PTPRD: variants seen among roughly 807,000 people sequenced by gnomAD.
PTPRD encodes receptor-type tyrosine-protein phosphatase delta.
PTPRD carries 34 observed loss-of-function variants against 214.5 expected under a neutral mutation model. The observed-to-expected ratio is 0.16, with a 90% CI of 0.12 to 0.21. PTPRD has a LOEUF of 0.21. PTPRD is among the 10% of genes least tolerant of loss of function. The pLI is 1.00. For missense variants in PTPRD, 2,545 were observed against 2,398.7 expected (o/e 1.06, Z -1.27); for synonymous variants, 1,128 against 845.7 (o/e 1.33, Z -5.79).
At chr9:8,665,538 C>A (rs925468465) in intron 12 of PTPRD, among the ~76,000 whole-genome samples, 2 of 152,170 alleles carry the variant, frequency 1.3e-5, no homozygotes, top group South Asian at 2.1e-4. Flanking sequence ...AAGTCACTTA[C>A]CCTAATTAAA....
intron 14 of PTPRD, among the ~76,000 whole-genome samples, chr9:8,554,105 T>C (rs949226717): frequency 2.6e-5 from 4 of 152,086 alleles, no homozygotes; most frequent in Admixed American, 6.6e-5. Flanking sequence ...GTAGAATCAC[T>C]TGAACCCAGG....
intron 36 of PTPRD, among the ~76,000 whole-genome samples, chr9:8,396,112 A>T (rs888359124): frequency 6.6e-6 from 1 of 151,138 alleles, no homozygotes; most frequent in African/African-American, 2.4e-5. Context: ...TATGTGTAGG[A>T]AACACTCAGA....
intron 11 of PTPRD, among the ~76,000 whole-genome samples, chr9:8,959,912 ATTCATCGAGTAC>A: frequency 6.6e-6 from 1 of 152,190 alleles, no homozygotes; most frequent in South Asian, 2.1e-4. Context: ...TTCCAACAGT[ATTCATCGAGTAC>A]CTCACCTATC....
At chr9:9,669,034 A>G (rs956100447) in intron 7 of PTPRD, among the ~76,000 whole-genome samples, 1 of 151,792 alleles carries the variant, frequency 6.6e-6, no homozygotes, top group Non-Finnish European at 1.5e-5. Context: ...ACAAAGGGTA[A>G]TTTTTTTTGG....
At chr9:9,009,583 T>A (rs1310622925) in intron 11 of PTPRD, among the ~76,000 whole-genome samples, 2 of 151,592 alleles carry the variant, frequency 1.3e-5, no homozygotes, top group African/African-American at 2.4e-5. Context: ...GAAAAAAAAA[T>A]TAGAACTGTA....
intron 9 of PTPRD, among the ~76,000 whole-genome samples, chr9:9,299,063 T>A (rs1954233346): frequency 6.6e-6 from 1 of 151,762 alleles, no homozygotes. Flanking sequence ...ATAATGTAGA[T>A]CCTGACTATT....
At position 9,292,060 on chromosome 9, in the gene PTPRD, A is replaced by G. The variant is rs141340427; in HGVS notation, c.-203+105389T>C. Among the ~76,000 whole-genome samples the G allele has an allele frequency of 3.4e-3, 515 of 151,450 alleles. 2 individuals are homozygous for G. Among genetic ancestry groups the G allele is most frequent in the African/African-American group, 0.012 (489 of 41,464 alleles). On this transcript the variant is annotated intron_variant, in intron 9 of 45. Transcript: ENST00000381196. ...AATACTGGTATTTTATCTCCTCAGA[A>G]GATTCATGGAGCTTTGCAGCTTTGT...
At chr9:10,049,398 T>TAAAA in intron 3 of PTPRD, among the ~76,000 whole-genome samples, 1 of 68,222 alleles carries the variant, frequency 1.5e-5, no homozygotes, top group South Asian at 5.3e-4. Context: ...CTTCTCTGGT[T>TAAAA]AAAAAAAAAA....
chr9:9,264,418 T>C (rs1467009644), intron 9 of PTPRD, among the ~76,000 whole-genome samples: 2 of 151,646 alleles, frequency 1.3e-5, no homozygotes, highest in African/African-American at 4.8e-5. Flanking sequence ...GTCAAAGGCA[T>C]ACTTAATGAA....
chr9:8,836,301 A>G (rs1470178062), intron 11 of PTPRD, among the ~76,000 whole-genome samples: 1 of 152,170 alleles, frequency 6.6e-6, no homozygotes, highest in Non-Finnish European at 1.5e-5. Flanking sequence ...GCAAACTACA[A>G]GATATGCTCT....
At chr9:9,313,558 T>A (rs1293833368) in intron 9 of PTPRD, among the ~76,000 whole-genome samples, 1 of 152,160 alleles carries the variant, frequency 6.6e-6, no homozygotes, top group Non-Finnish European at 1.5e-5. Flanking sequence ...TATACCAGTG[T>A]TAGAGTGGAA....
chr9:8,355,946 T>C (rs2076887781), intron 39 of PTPRD, among the ~76,000 whole-genome samples: 1 of 152,180 alleles, frequency 6.6e-6, no homozygotes, highest in Non-Finnish European at 1.5e-5. Flanking sequence ...GTGCACAGAA[T>C]ACACTCATAA....
chr9:10,144,103 A>C (rs10809033), intron 3 of PTPRD, among the ~76,000 whole-genome samples: 12 of 151,926 alleles, frequency 7.9e-5, no homozygotes, highest in African/African-American at 2.9e-4. Context: ...TAAAGAAAAA[A>C]ATAAAGTAAT....
At chr9:8,892,764 A>G (rs996477785) in intron 11 of PTPRD, among the ~76,000 whole-genome samples, 4 of 151,198 alleles carry the variant, frequency 2.6e-5, no homozygotes, top group African/African-American at 9.7e-5. Flanking sequence ...GTTCTACGGA[A>G]GCTCAGAAGA....
intron 2 of PTPRD, among the ~76,000 whole-genome samples, chr9:10,363,566 T>G (rs560753310): frequency 6.6e-6 from 1 of 152,346 alleles, no homozygotes; most frequent in South Asian, 2.1e-4. Flanking sequence ...TGTAAATGTT[T>G]TCTCTATGAC....
chr9:9,356,904 T>C (rs374087759), intron 9 of PTPRD, among the ~76,000 whole-genome samples: 1 of 151,348 alleles, frequency 6.6e-6, no homozygotes, highest in Admixed American at 6.6e-5. Context: ...TTGCTACCAG[T>C]GAGGCAGCAG....
At chr9:8,719,921 T>C (rs1458388485) in intron 12 of PTPRD, among the ~76,000 whole-genome samples, 1 of 152,176 alleles carries the variant, frequency 6.6e-6, no homozygotes, top group Admixed American at 6.5e-5. Flanking sequence ...TGTGTTACAG[T>C]TCCAGAGGAA....
chr9:9,134,946 G>A (rs547266472), intron 10 of PTPRD, among the ~76,000 whole-genome samples: 10 of 152,230 alleles, frequency 6.6e-5, no homozygotes, highest in African/African-American at 2.2e-4. Flanking sequence ...GCAGACAGAG[G>A]TAAGGAACGT....
Position 8,513,321 on chromosome 9 carries a change from C to G in PTPRD, c.1543+4527G>C, listed in dbSNP as rs1019168727. On this transcript the variant is annotated intron_variant, in intron 21 of 45. Transcript: ENST00000381196. The stretch of plus-strand genomic sequence containing the variant: ...CATTTTCTGTATTACCAGAAATACA[C>G]AAATTTACATCAATCCTTCACTTAT... 3.3e-5 allele frequency among the ~76,000 whole-genome samples: 5 copies of G among 152,004 alleles called. No individual in the cohort carries two copies. In the South Asian group the frequency reaches 1.0e-3, roughly 31 times the overall value.
Sources: allele counts gnomAD v4.1 joint callset (sites outside exome capture counted in the v4.1 genomes callset), GRCh38; gene constraint gnomAD v4.1.1; transcripts MANE v1.5; gene names NCBI Gene and HGNC (gene_info 2026-07-23, HGNC 2026-07-21).